Variants in VPS41 observed in about 807,000 individuals in gnomAD.
The protein encoded by VPS41 is vacuolar protein sorting-associated protein 41 homolog.
A neutral mutation model predicts 130.9 loss-of-function variants in VPS41; 85 were observed. The ratio of observed to expected loss-of-function variants is 0.65; its 90% CI spans 0.55 to 0.78. VPS41 has a LOEUF of 0.78. VPS41 is among the 30% of genes least tolerant of loss of function. The pLI is 0.00. For missense variants in VPS41, 874 were observed against 1,018.7 expected (o/e 0.86, Z 1.93); for synonymous variants, 335 against 332.9 (o/e 1.01, Z -0.07).
chr7:38,762,489 T>C (rs1029655623), intron 17 of VPS41, among the ~76,000 whole-genome samples: 1 of 152,164 alleles, frequency 6.6e-6, no homozygotes, highest in African/African-American at 2.4e-5. Context: ...AGAAACCCCA[T>C]ACAAAGAAGT....
chr7:38,767,614 T>C lies in VPS41; in HGVS notation c.1186-16A>G, dbSNP rs1247930897. ...AGCCAATATCCTAGAGAAAGCCAAA[T>C]GAAGAAATGTCAAAATTTAACTGAA... On this transcript the variant is annotated splice_polypyrimidine_tract_variant and intron_variant, in intron 14 of 28. Coordinates refer to ENST00000310301, the MANE Select transcript of VPS41 (RefSeq NM_014396.4). 1 of 1,599,722 alleles carries C rather than the reference T, an allele frequency of 6.3e-7. No individual in the cohort carries two copies. Among genetic ancestry groups the C allele is most frequent in the Non-Finnish European group, 8.5e-7 (1 of 1,169,804 alleles).
At chr7:38,804,602 A>G (rs1784803174) in intron 7 of VPS41, among the ~76,000 whole-genome samples, 1 of 152,226 alleles carries the variant, frequency 6.6e-6, no homozygotes, top group Non-Finnish European at 1.5e-5. Flanking sequence ...GCTTCCATGA[A>G]AACAAAATAA....
chr7:38,871,651 C>T (rs1786364580), intron 2 of VPS41, among the ~76,000 whole-genome samples: 1 of 152,094 alleles, frequency 6.6e-6, no homozygotes, highest in Non-Finnish European at 1.5e-5. Context: ...TAACACACTC[C>T]AAAATCTCCA....
intron 22 of VPS41, among the ~76,000 whole-genome samples, chr7:38,746,794 A>G (rs931990949): frequency 6.6e-6 from 1 of 152,088 alleles, no homozygotes; most frequent in Admixed American, 6.6e-5. Context: ...GTGCAGCTTC[A>G]CCTGCCTCTG....
intron 17 of VPS41, among the ~76,000 whole-genome samples, chr7:38,761,719 T>C (rs565098980): frequency 2.0e-5 from 3 of 152,212 alleles, no homozygotes; most frequent in Admixed American, 2.0e-4. Flanking sequence ...GCCTCCTGAA[T>C]AGCTGAGAGT....
At chr7:38,863,081 C>A (rs17768711) in intron 3 of VPS41, among the ~76,000 whole-genome samples, 40,010 of 152,110 alleles carry the variant, frequency 0.26, 5,768 homozygotes, top group South Asian at 0.45. Flanking sequence ...AATGGAAAAT[C>A]CATGCCATAT....
chr7:38,800,692 C>T (rs1242126821), intron 7 of VPS41, among the ~76,000 whole-genome samples: 4 of 152,022 alleles, frequency 2.6e-5, no homozygotes, highest in Non-Finnish European at 5.9e-5. Context: ...AAAAATTAGC[C>T]AAGCATGGTG....
At chr7:38,793,022 A>G (rs1160012743) in intron 9 of VPS41, among the ~76,000 whole-genome samples, 1 of 152,072 alleles carries the variant, frequency 6.6e-6, no homozygotes, top group Non-Finnish European at 1.5e-5. Flanking sequence ...TGACCAAACA[A>G]CATATTAGTT....
chr7:38,855,292 T>C (rs1785958305), intron 4 of VPS41, among the ~76,000 whole-genome samples: 1 of 151,030 alleles, frequency 6.6e-6, no homozygotes, highest in South Asian at 2.1e-4. Flanking sequence ...ATCTTCACGA[T>C]GATACTGTCA....
chr7:38,788,345 T>C (rs986788100), intron 10 of VPS41, among the ~76,000 whole-genome samples: 2 of 152,218 alleles, frequency 1.3e-5, no homozygotes, highest in African/African-American at 4.8e-5. Context: ...ACAAGTCATT[T>C]ACCTCCTAAG....
intron 13 of VPS41, among the ~76,000 whole-genome samples, chr7:38,772,128 CCAAA>C (rs1394794135): frequency 6.6e-6 from 1 of 151,900 alleles, no homozygotes; most frequent in African/African-American, 2.4e-5. Context: ...ATCATTCTAT[CCAAA>C]CTGATAGTTC....
At chr7:38,835,225 ATT>A (rs1390324119) in intron 4 of VPS41, among the ~76,000 whole-genome samples, 1 of 151,840 alleles carries the variant, frequency 6.6e-6, no homozygotes, top group Non-Finnish European at 1.5e-5. Flanking sequence ...AATTCACTTT[ATT>A]TTAAAATTTT....
chr7:38,743,579 A>C (rs779744807), intron 23 of VPS41, 37 bp from the exon 24 acceptor site: 1 of 1,596,796 alleles, frequency 6.3e-7, no homozygotes, highest in Admixed American at 1.8e-5. Flanking sequence ...AGTTCATTTA[A>C]GGTATTTTAA....
intron 2 of VPS41, among the ~76,000 whole-genome samples, chr7:38,889,626 A>C (rs1786817704): frequency 6.6e-6 from 1 of 151,938 alleles, no homozygotes; most frequent in Non-Finnish European, 1.5e-5. Flanking sequence ...AAATTTAAAA[A>C]TTTAAAATAA....
Position 38,840,888 on chromosome 7 carries a change from G to A in VPS41, c.247-10560C>T, listed in dbSNP as rs1029525813. ...CATACCGGGAACAGATAGTGAAAAG[G>A]ACCAGACCCACCCACTCTCTAGTCC... is the stretch of plus-strand genomic sequence containing the variant. On this transcript the variant is annotated intron_variant, in intron 4 of 28. Coordinates refer to ENST00000310301, the MANE Select transcript of VPS41 (RefSeq NM_014396.4). Among the ~76,000 whole-genome samples the A allele has an allele frequency of 7.2e-5, 11 of 152,046 alleles. No homozygotes were observed. In the South Asian group the frequency reaches 1.5e-3, roughly 20 times the overall value.
intron 27 of VPS41, 174 bp downstream of exon 27, chr7:38,728,368 G>T: frequency 1.3e-6 from 1 of 779,470 alleles, no homozygotes; most frequent in Non-Finnish European, 2.2e-6. Context: ...TCAGCTCTAA[G>T]CAATGGCAGC....
At chr7:38,791,004 C>T (rs1210981734) in intron 9 of VPS41, among the ~76,000 whole-genome samples, 1 of 152,150 alleles carries the variant, frequency 6.6e-6, no homozygotes, top group Non-Finnish European at 1.5e-5. Flanking sequence ...TACTGAGTTG[C>T]TGCCCAGCAA....
intron 4 of VPS41, among the ~76,000 whole-genome samples, chr7:38,854,976 C>T (rs1175606105): frequency 2.6e-5 from 4 of 151,470 alleles, no homozygotes; most frequent in Non-Finnish European, 5.9e-5. Context: ...TTTGGCAGGC[C>T]GAGGTGGGCG....
chr7:38,777,675 CA>C (rs1784284886), intron 10 of VPS41, among the ~76,000 whole-genome samples: 1 of 152,206 alleles, frequency 6.6e-6, no homozygotes, highest in African/African-American at 2.4e-5. Flanking sequence ...TCTGACCCAC[CA>C]CATTTTCTAA....
Sources: allele counts gnomAD v4.1 joint callset (sites outside exome capture counted in the v4.1 genomes callset), GRCh38; gene constraint gnomAD v4.1.1; transcripts MANE v1.5; gene names NCBI Gene and HGNC (gene_info 2026-07-23, HGNC 2026-07-21).